The following FAM185A variants were observed in gnomAD, a reference collection of about 807,000 sequenced individuals.
FAM185A encodes protein FAM185A.
FAM185A carries 21 observed loss-of-function variants against 45.7 expected under a neutral mutation model. The ratio of observed to expected loss-of-function variants is 0.46; its 90% confidence interval spans 0.33 to 0.66. The LOEUF is 0.66. FAM185A is among the 30% of genes least tolerant of loss of function. The probability of loss-of-function intolerance (pLI) is 0.03; values close to 1 mark genes in which losing one functional copy is unlikely to be tolerated. For missense variants in FAM185A, 305 were observed against 485.4 expected, an observed-to-expected ratio of 0.63 and a Z score of 3.49; for synonymous variants, 117 against 194.0, an observed-to-expected ratio of 0.60 and a Z score of 3.30.
intron 4 of FAM185A, among the ~76,000 whole-genome samples, chr7:102,765,282 C>A (rs1794319902): frequency 6.6e-6 from 1 of 152,096 alleles, no homozygotes; most frequent in African/African-American, 2.4e-5. Flanking sequence ...TTATAAGTTC[C>A]TTGAGTTTCA....
intron 7 of FAM185A, among the ~76,000 whole-genome samples, chr7:102,799,410 T>G (rs867391079): frequency 2.6e-5 from 4 of 152,220 alleles, no homozygotes; most frequent in African/African-American, 9.6e-5. Flanking sequence ...AAGGGAGAGA[T>G]AAGAATTCAG....
At chr7:102,840,649 T>G in the FAM185A span, among the ~76,000 whole-genome samples, 2,132 of 152,282 alleles carry the variant, frequency 0.014, 118 homozygotes, top group East Asian at 0.16. Context: ...CACGAACTAT[T>G]ATCAGTACTG....
intron 5 of FAM185A, among the ~76,000 whole-genome samples, chr7:102,773,663 T>C (rs146974384): frequency 1.3e-5 from 2 of 152,154 alleles, no homozygotes; most frequent in African/African-American, 4.8e-5. Flanking sequence ...CACTTTATAC[T>C]CTCATCAACA....
intron 6 of FAM185A, among the ~76,000 whole-genome samples, chr7:102,782,414 C>T (rs1178921745): frequency 6.6e-6 from 1 of 152,128 alleles, no homozygotes; most frequent in East Asian, 1.9e-4. Context: ...GGTCGGGTTA[C>T]CCACAAAGGG....
chr7:102,816,542 A>G, the FAM185A span, among the ~76,000 whole-genome samples: 1 of 152,182 alleles, frequency 6.6e-6, no homozygotes, highest in Non-Finnish European at 1.5e-5. Context: ...GAGATCGGCA[A>G]GTGGCTGCCA....
intron 7 of FAM185A, among the ~76,000 whole-genome samples, chr7:102,800,899 A>C (rs1167416937): frequency 1.3e-5 from 2 of 152,236 alleles, no homozygotes; most frequent in Non-Finnish European, 2.9e-5. Context: ...TGGGAAATGC[A>C]TCGCAAAAAG....
intron 2 of FAM185A, among the ~76,000 whole-genome samples, chr7:102,754,254 G>A (rs1376223086): frequency 6.6e-6 from 1 of 151,808 alleles, no homozygotes; most frequent in African/African-American, 2.4e-5. Flanking sequence ...AGGCTGGAGT[G>A]CAATGACACG....
At chr7:102,833,041 A>G in the FAM185A span, 4 of 1,536,890 alleles carry the variant, frequency 2.6e-6, no homozygotes, top group Non-Finnish European at 3.6e-6. Flanking sequence ...TACTTATAGT[A>G]GCTTATTAAA....
chr7:102,850,620 T>C, the FAM185A span, among the ~76,000 whole-genome samples: 8 of 152,214 alleles, frequency 5.3e-5, no homozygotes, highest in African/African-American at 1.9e-4. Context: ...AGGTAAATCA[T>C]GGCTTAACTT....
the FAM185A span, among the ~76,000 whole-genome samples, chr7:102,843,611 C>A: frequency 5.3e-5 from 8 of 151,908 alleles, no homozygotes; most frequent in South Asian, 6.2e-4. Flanking sequence ...CCCGTCTCTA[C>A]GAAAAATACA....
intron 6 of FAM185A, among the ~76,000 whole-genome samples, chr7:102,784,710 AC>A (rs1195139408): frequency 6.6e-6 from 1 of 152,170 alleles, no homozygotes; most frequent in Non-Finnish European, 1.5e-5. Flanking sequence ...TCTATGACAA[AC>A]CCACAGCCAA....
chr7:102,830,589 T>C, the FAM185A span, among the ~76,000 whole-genome samples: 1 of 152,208 alleles, frequency 6.6e-6, no homozygotes, highest in Non-Finnish European at 1.5e-5. Context: ...TGTGAACTTT[T>C]TGGCTTAGTT....
the FAM185A span, chr7:102,834,548 C>G: frequency 6.6e-6 from 1 of 150,956 alleles, no homozygotes; most frequent in East Asian, 1.9e-4. Context: ...AGTTGAGAGG[C>G]AGTATGCACA....
the FAM185A span, among the ~76,000 whole-genome samples, chr7:102,844,780 C>T: frequency 2.6e-5 from 4 of 152,168 alleles, no homozygotes; most frequent in South Asian, 6.2e-4. Flanking sequence ...ATTTCAGATG[C>T]CAATCGCAAG....
the FAM185A span, among the ~76,000 whole-genome samples, chr7:102,831,981 A>G: frequency 1.2e-4 from 18 of 152,190 alleles, no homozygotes; most frequent in Non-Finnish European, 2.2e-4. Flanking sequence ...GTTACAATGT[A>G]TTTTGGAAAG....
the FAM185A span, among the ~76,000 whole-genome samples, chr7:102,826,744 T>C: frequency 7.1e-4 from 68 of 95,712 alleles, 1 homozygote; most frequent in African/African-American, 3.3e-3. Context: ...TATATATATA[T>C]ATATATATAT....
chr7:102,774,246 A>G (rs1794921198), intron 5 of FAM185A, among the ~76,000 whole-genome samples: 1 of 152,170 alleles, frequency 6.6e-6, no homozygotes, highest in African/African-American at 2.4e-5. Context: ...CTAATTGTCT[A>G]CTGCTGATAT....
intron 7 of FAM185A, among the ~76,000 whole-genome samples, chr7:102,791,350 G>A (rs1160637195): frequency 6.6e-6 from 1 of 152,208 alleles, no homozygotes; most frequent in African/African-American, 2.4e-5. Context: ...AAGGAGTACA[G>A]GGGCCTGGAC....
chr7:102,822,182 T>C, the FAM185A span: 1 of 1,614,098 alleles, frequency 6.2e-7, no homozygotes, highest in African/African-American at 1.3e-5. Flanking sequence ...GCCGATAACA[T>C]CTCCATTGCT....
Sources: gnomAD v4.1 joint callset for allele counts (sites outside exome capture counted in the v4.1 genomes callset) on GRCh38, gnomAD v4.1.1 for gene constraint, MANE v1.5 for transcripts, NCBI Gene and HGNC (gene_info 2026-07-23, HGNC 2026-07-21) for gene names.